RNLS: variants seen among roughly 807,000 people sequenced by gnomAD.
RNLS encodes renalase, FAD dependent amine oxidase.
In RNLS, 39 loss-of-function variants were observed where a neutral mutation model predicts 39.8. The observed-to-expected ratio is 0.98, with a 90% confidence interval of 0.76 to 1.28. RNLS has a LOEUF of 1.28. Among genes scored for constraint, RNLS ranks in the 50% most tolerant of loss-of-function variants. The pLI, the probability that RNLS is intolerant of heterozygous loss-of-function variation, is 0.00. For missense variants in RNLS, 410 were observed against 413.3 expected (o/e 0.99, Z 0.07); for synonymous variants, 147 against 150.7 (o/e 0.98, Z 0.18).
At chr10:88,451,104 C>T (rs1842334340) in intron 4 of RNLS, among the ~76,000 whole-genome samples, 1 of 152,118 alleles carries the variant, frequency 6.6e-6, no homozygotes, top group Non-Finnish European at 1.5e-5. Flanking sequence ...TTACGAAGGT[C>T]CTTGGGTGCA....
intron 4 of RNLS, among the ~76,000 whole-genome samples, chr10:88,431,801 A>T (rs1855145432): frequency 6.6e-6 from 1 of 151,768 alleles, no homozygotes; most frequent in Admixed American, 6.6e-5. Flanking sequence ...TTGATTTTAA[A>T]TTTAATTCTA....
chr10:88,538,635 C>G (rs925265313), intron 4 of RNLS, among the ~76,000 whole-genome samples: 3 of 152,030 alleles, frequency 2.0e-5, no homozygotes, highest in Admixed American at 6.6e-5. Flanking sequence ...GCAGTTTAAT[C>G]TTATGAGGGC....
At chr10:88,524,909 A>T (rs1846986326) in intron 4 of RNLS, among the ~76,000 whole-genome samples, 1 of 143,604 alleles carries the variant, frequency 7.0e-6, no homozygotes, top group African/African-American at 2.6e-5. Flanking sequence ...AATGGCAAGG[A>T]TCATTTAAAC....
At chr10:88,551,434 C>T (rs950747847) in intron 4 of RNLS, among the ~76,000 whole-genome samples, 4 of 152,130 alleles carry the variant, frequency 2.6e-5, no homozygotes, top group South Asian at 2.1e-4. Flanking sequence ...TAGGGAACTT[C>T]GGCCTGTCCA....
chr10:88,327,184 C>G (rs947642544), intron 5 of RNLS, among the ~76,000 whole-genome samples: 1 of 152,082 alleles, frequency 6.6e-6, no homozygotes, highest in African/African-American at 2.4e-5. Flanking sequence ...AGGACTTTGG[C>G]AGACTGTTGG....
At chr10:88,407,487 TAAC>T (rs1181768719) in intron 4 of RNLS, among the ~76,000 whole-genome samples, 1 of 151,722 alleles carries the variant, frequency 6.6e-6, no homozygotes, top group African/African-American at 2.4e-5. Flanking sequence ...ATAAAAAAAT[TAAC>T]AATAGTACAA....
At chr10:88,550,016 C>A (rs1589998138) in intron 4 of RNLS, among the ~76,000 whole-genome samples, 1 of 152,120 alleles carries the variant, frequency 6.6e-6, no homozygotes, top group Non-Finnish European at 1.5e-5. Context: ...CATACACATA[C>A]AATCTCTAAA....
the RNLS span, among the ~76,000 whole-genome samples, chr10:88,245,415 C>T: frequency 6.6e-6 from 1 of 152,182 alleles, no homozygotes; most frequent in African/African-American, 2.4e-5. Context: ...AATCAGAACA[C>T]TAACAGAACC....
chr10:88,277,119 A>G (rs1842837576), intron 6 of RNLS, among the ~76,000 whole-genome samples: 1 of 152,228 alleles, frequency 6.6e-6, no homozygotes, highest in Non-Finnish European at 1.5e-5. Context: ...AATGTGGCAC[A>G]TATACACTAT....
At chr10:88,473,289 A>C (rs189861772) in intron 4 of RNLS, among the ~76,000 whole-genome samples, 1 of 152,332 alleles carries the variant, frequency 6.6e-6, no homozygotes, top group East Asian at 1.9e-4. Flanking sequence ...AAATAGGAAG[A>C]AGAAAAATGG....
At chr10:88,220,916 C>G in the RNLS span, among the ~76,000 whole-genome samples, 5 of 152,140 alleles carry the variant, frequency 3.3e-5, no homozygotes, top group Non-Finnish European at 5.9e-5. Context: ...TGCAAGGAAA[C>G]CTGTGTTGGG....
At chr10:88,302,757 A>G (rs1270888669) in intron 6 of RNLS, among the ~76,000 whole-genome samples, 2 of 152,192 alleles carry the variant, frequency 1.3e-5, no homozygotes. Flanking sequence ...TTTGAAGAGG[A>G]CAACAATCTT....
At chr10:88,497,026 T>C (rs555577326) in intron 4 of RNLS, among the ~76,000 whole-genome samples, 1 of 151,974 alleles carries the variant, frequency 6.6e-6, no homozygotes, top group East Asian at 1.9e-4. Flanking sequence ...AAGAGAAAAA[T>C]GAACACATTA....
At chr10:88,212,096 A>G in the RNLS span, among the ~76,000 whole-genome samples, 1 of 152,148 alleles carries the variant, frequency 6.6e-6, no homozygotes, top group Non-Finnish European at 1.5e-5. Flanking sequence ...TTCTACCCAC[A>G]TTGATGTCAT....
chr10:88,505,191 T>C (rs1845720989), intron 4 of RNLS, among the ~76,000 whole-genome samples: 1 of 151,704 alleles, frequency 6.6e-6, no homozygotes, highest in Non-Finnish European at 1.5e-5. Context: ...AAGATTTGAA[T>C]ACCTTTTGCC....
the RNLS span, among the ~76,000 whole-genome samples, chr10:88,208,830 G>A: frequency 6.6e-6 from 1 of 152,140 alleles, no homozygotes; most frequent in South Asian, 2.1e-4. Flanking sequence ...TTAGAGGAAT[G>A]CTTCACTTTC....
At chr10:88,178,346 G>C in the RNLS span, among the ~76,000 whole-genome samples, 1 of 152,164 alleles carries the variant, frequency 6.6e-6, no homozygotes, top group East Asian at 1.9e-4. Flanking sequence ...TGGTTCCTGG[G>C]GAGTGAGGGC....
chr10:88,380,124 A>C (rs1851331617), intron 4 of RNLS, among the ~76,000 whole-genome samples: 2 of 152,098 alleles, frequency 1.3e-5, no homozygotes, highest in African/African-American at 4.8e-5. Context: ...ACAACGAAGG[A>C]GGTTGATTAT....
chr10:88,307,514 A>G (rs1046703406), intron 6 of RNLS, among the ~76,000 whole-genome samples: 28 of 152,156 alleles, frequency 1.8e-4, no homozygotes, highest in Non-Finnish European at 3.4e-4. Context: ...CTAAATCACT[A>G]ACATTCCTAT....
Sources: allele counts gnomAD v4.1 joint callset (sites outside exome capture counted in the v4.1 genomes callset), GRCh38; gene constraint gnomAD v4.1.1; transcripts MANE v1.5; gene names NCBI Gene and HGNC (gene_info 2026-07-23, HGNC 2026-07-21).